Variants in RBM26 observed in about 807,000 individuals in gnomAD.
RBM26 encodes RNA-binding protein 26.
RBM26 carries 30 observed loss-of-function variants against 123.6 expected under a neutral mutation model. The ratio of observed to expected loss-of-function variants is 0.24; its 90% CI spans 0.18 to 0.33. The LOEUF (loss-of-function observed/expected upper bound fraction) is 0.33, where lower values mean the gene tolerates loss of function less well. Ranked by LOEUF, RBM26 falls within the 10% of genes least tolerant of loss-of-function variation. RBM26 has a pLI of 1.00. For missense variants in RBM26, 947 were observed against 1,203.6 expected (o/e 0.79, Z 3.15); for synonymous variants, 400 against 404.4 (o/e 0.99, Z 0.13).
chr13:79,370,454 A>G (rs374373613), intron 5 of RBM26, among the ~76,000 whole-genome samples: 2 of 152,146 alleles, frequency 1.3e-5, no homozygotes, highest in East Asian at 3.8e-4. Context: ...ATGTTATGGT[A>G]TGGATATACC....
At chr13:79,376,055 C>T (rs1436209003) in intron 3 of RBM26, among the ~76,000 whole-genome samples, 1 of 149,722 alleles carries the variant, frequency 6.7e-6, no homozygotes, top group African/African-American at 2.5e-5. Context: ...TAAAATGAGG[C>T]TCAGAAAAGT....
intron 11 of RBM26, among the ~76,000 whole-genome samples, chr13:79,356,857 C>T (rs983902289): frequency 3.4e-4 from 52 of 151,704 alleles, no homozygotes; most frequent in African/African-American, 1.2e-3. Flanking sequence ...TATGTTTTGC[C>T]CCTCAGCTTT....
Position 79,344,279 on chromosome 13 carries a change from T to C in RBM26, c.2228A>G (p.Glu743Gly). The change falls in exon 16 of 22, where the codon GAA (glutamate) becomes GGA (glycine). Residue 743 changes from glutamate to glycine, a missense_variant. Around this residue, in one of 5 missense-constraint regions of RBM26, gnomAD observed 493 missense variants for 563.1 expected, o/e 0.88. Transcript: ENST00000438737. ...LQQDVRKRKQ[E>G]ILEKHIETQK... Reference sequence around the variant, plus strand: ...TGTTTCAATGTGCTTTTCTAAAATTTCTTGTTTCCTTTTCCTTACATCCTG... The same window carrying C: ...TGTTTCAATGTGCTTTTCTAAAATTCCTTGTTTCCTTTTCCTTACATCCTG... The C allele has an allele frequency of 6.2e-7, 1 of 1,611,492 alleles. No individual in the cohort carries two copies.
At chr13:79,314,267 GAAAGTC>G (rs2066987116), downstream of RBM26, 1 of 151,562 alleles carries the variant, frequency 6.6e-6, no homozygotes, top group African/African-American at 2.4e-5. Context: ...TGTCTTGATT[GAAAGTC>G]AAAAAAATGT....
chr13:79,400,991 C>A (rs1470414039), intron 1 of RBM26, among the ~76,000 whole-genome samples: 1 of 152,128 alleles, frequency 6.6e-6, no homozygotes, highest in Non-Finnish European at 1.5e-5. Context: ...AGCGTTTTAT[C>A]TTTTGTTTTG....
chr13:79,364,583 T>C (rs1196608128), intron 9 of RBM26, among the ~76,000 whole-genome samples: 2 of 152,236 alleles, frequency 1.3e-5, no homozygotes, highest in African/African-American at 4.8e-5. Flanking sequence ...CATTTCCCTA[T>C]ATCAAATGTG....
chr13:79,374,666 A>G (rs117471713), intron 3 of RBM26, among the ~76,000 whole-genome samples: 2,417 of 150,728 alleles, frequency 0.016, 26 homozygotes, highest in Non-Finnish European at 0.024. Flanking sequence ...CAGACAAAAA[A>G]CCGGGTACTA....
At position 79,319,068 on chromosome 13, in the gene RBM26, G is replaced by C; in HGVS notation, c.*1553C>G. 4.1e-6 allele frequency: 4 copies of C among 984,260 alleles called. No homozygotes were observed. Among genetic ancestry groups the C allele is most frequent in the Non-Finnish European group, 4.8e-6 (4 of 829,106 alleles). The allele number at this position is 984,260 out of a possible 1,614,324, so 61.0% of individuals were successfully genotyped here. ...TTAAATATAAACGTAGACACGAATT[G>C]CAAGGCAAAGCATTTCTATGAAATA... On this transcript the variant is annotated 3_prime_UTR_variant, in exon 22 of 22. Transcript: ENST00000438737.
chr13:79,387,382 A>G (rs769487977), intron 1 of RBM26, among the ~76,000 whole-genome samples: 4 of 152,124 alleles, frequency 2.6e-5, no homozygotes, highest in Non-Finnish European at 5.9e-5. Flanking sequence ...TTTCAAACCT[A>G]CTTTGTCCCA....
In RBM26 at chr13:79,351,393, T is replaced by G. The variant is rs116831951; in HGVS notation, c.2058+1760A>C. On this transcript the variant is annotated intron_variant, in intron 14 of 21. Transcript: ENST00000438737. ...ATCAAAATCTATCACCTCAAACACT[T>G]CCAGTGTTTCTTTTTTCTGAAATAC... Among the ~76,000 whole-genome samples, 614 of 152,280 alleles carry G rather than the reference T, an allele frequency of 4.0e-3. 6 individuals carry two copies. The highest frequency in any genetic ancestry group is 0.013 in the African/African-American group (543 of 41,562).
At chr13:79,354,219 T>G (rs1217612646) in intron 13 of RBM26, among the ~76,000 whole-genome samples, 1 of 151,866 alleles carries the variant, frequency 6.6e-6, no homozygotes, top group African/African-American at 2.4e-5. Flanking sequence ...GAGAGAGGAA[T>G]TTAAGATTTA....
At chr13:79,329,938 C>T (rs762181156) in intron 20 of RBM26, among the ~76,000 whole-genome samples, 8 of 152,048 alleles carry the variant, frequency 5.3e-5, no homozygotes, top group Non-Finnish European at 1.2e-4. Context: ...GAAACTGGTT[C>T]CATCATTTAA....
At chr13:79,364,718 G>A (rs575970173) in intron 9 of RBM26, among the ~76,000 whole-genome samples, 1 of 144,128 alleles carries the variant, frequency 6.9e-6, no homozygotes, top group African/African-American at 2.9e-5. Context: ...AGGGCACTTT[G>A]CTGCCCTAGC....
At chr13:79,358,043 G>C (rs9601216) in intron 11 of RBM26, among the ~76,000 whole-genome samples, 76,792 of 152,096 alleles carry the variant, frequency 0.5, 19,823 homozygotes, top group Middle Eastern at 0.6. Context: ...CCACCACACC[G>C]AGCTAATTTT....
intron 3 of RBM26, among the ~76,000 whole-genome samples, chr13:79,373,658 AT>A (rs2076355924): frequency 9.5e-6 from 1 of 105,196 alleles, no homozygotes; most frequent in Admixed American, 1.3e-4. Context: ...CTATTTATAT[AT>A]TTATATATTA....
chr13:79,341,688 G>A (rs1377154187), intron 17 of RBM26, among the ~76,000 whole-genome samples: 2 of 151,772 alleles, frequency 1.3e-5, no homozygotes, highest in African/African-American at 4.8e-5. Context: ...AGTGCCAGGA[G>A]TCAAAGGGAA....
intron 1 of RBM26, among the ~76,000 whole-genome samples, chr13:79,392,273 A>G (rs2078151841): frequency 7.3e-6 from 1 of 136,240 alleles, no homozygotes; most frequent in African/African-American, 2.7e-5. Context: ...ATAATTATAT[A>G]TTAATTATAT....
intron 1 of RBM26, among the ~76,000 whole-genome samples, chr13:79,400,800 AATTG>A (rs1347811469): frequency 1.3e-5 from 2 of 152,176 alleles, no homozygotes; most frequent in Non-Finnish European, 2.9e-5. Flanking sequence ...AATAAATATA[AATTG>A]ATTGGTAACA....
intron 14 of RBM26, among the ~76,000 whole-genome samples, chr13:79,351,842 A>C (rs1462163064): frequency 6.6e-6 from 1 of 152,156 alleles, no homozygotes; most frequent in African/African-American, 2.4e-5. Flanking sequence ...TCTGAGTGTA[A>C]GATGGTGACA....
Sources: allele counts gnomAD v4.1 joint callset (sites outside exome capture counted in the v4.1 genomes callset), GRCh38; gene constraint gnomAD v4.1.1; regional missense constraint gnomAD v4.1.1; transcripts MANE v1.5; gene names NCBI Gene and HGNC (gene_info 2026-07-23, HGNC 2026-07-21).